The following CFAP206 variants were observed in gnomAD, a reference collection of about 807,000 sequenced individuals.
CFAP206 encodes cilia- and flagella-associated protein 206.
A neutral mutation model predicts 65.4 loss-of-function variants in CFAP206; 53 were observed. The ratio of observed to expected loss-of-function variants is 0.81; its 90% CI spans 0.65 to 1.02. CFAP206 has a LOEUF of 1.02. Ranked by LOEUF, CFAP206 falls within the 50% of genes least tolerant of loss-of-function variation. The probability of loss-of-function intolerance (pLI) is 0.00; values close to 1 mark genes in which losing one functional copy is unlikely to be tolerated. For synonymous variants in CFAP206, 250 were observed against 254.4 expected (o/e 0.98, Z 0.17); for missense variants, 663 against 753.2 (o/e 0.88, Z 1.40).
At chr6:87,450,432 T>G (rs1172691826) in intron 11 of CFAP206, among the ~76,000 whole-genome samples, 1 of 151,460 alleles carries the variant, frequency 6.6e-6, no homozygotes, top group East Asian at 1.9e-4. Context: ...AATGTACCAT[T>G]TCTTTATAAA....
Position 87,431,921 on chromosome 6 carries a change from C to T in CFAP206, c.1300+748C>T, listed in dbSNP as rs141725855. On this transcript the variant is annotated intron_variant, in intron 10 of 12. Coordinates refer to ENST00000369562, the MANE Select transcript of CFAP206 (RefSeq NM_001031743.3). ...GCATAGATAGGATTTCTCTGTTAGA[C>T]GCCTATAAGGAAATGGCTAATATCA... Among the ~76,000 whole-genome samples the T allele has an allele frequency of 3.7e-3, 566 of 152,212 alleles. 4 individuals carry two copies. The highest frequency in any genetic ancestry group is 0.013 in the African/African-American group (525 of 41,538).
At chr6:87,412,542 G>T (rs1306102213) in intron 3 of CFAP206, among the ~76,000 whole-genome samples, 10 of 152,168 alleles carry the variant, frequency 6.6e-5, no homozygotes, top group Admixed American at 3.9e-4. Context: ...CCATCTATGT[G>T]GGGGCTCATA....
At chr6:87,417,369 C>A (rs2127948365) in intron 6 of CFAP206, among the ~76,000 whole-genome samples, 1 of 152,028 alleles carries the variant, frequency 6.6e-6, no homozygotes, top group Non-Finnish European at 1.5e-5. Context: ...ATTTGGTACT[C>A]CTGTAGGCCC....
chr6:87,415,925 G>T, intron 5 of CFAP206, 51 bp downstream of exon 5: 3 of 1,224,150 alleles, frequency 2.5e-6, no homozygotes, highest in South Asian at 2.5e-5. Flanking sequence ...TATGGTCATT[G>T]TATTTTATAA....
At chr6:87,419,133 G>GTT (rs549737166) in intron 7 of CFAP206, among the ~76,000 whole-genome samples, 7 of 142,882 alleles carry the variant, frequency 4.9e-5, no homozygotes, top group Non-Finnish European at 9.2e-5. Context: ...TTTTTTTTTT[G>GTT]TTTTTTTTTT....
At position 87,413,830 on chromosome 6, in the gene CFAP206, G is replaced by A. The variant is rs1767778267; in HGVS notation, c.213G>A (p.Leu71=). The A allele has an allele frequency of 6.4e-7, 1 of 1,566,988 alleles. No homozygotes were observed. The highest frequency in any genetic ancestry group is 1.2e-5 in the South Asian group (1 of 81,362). Residue 71 remains leucine (L), a synonymous_variant, in exon 4 of 13, where the codon TTG becomes TTA. Coordinates refer to ENST00000369562, the MANE Select transcript of CFAP206 (RefSeq NM_001031743.3). ...TCTAGCTTTGTATGACTCGGCTATTGGATACTAAAAATCCATCCCTGGACA... is the reference window on the plus strand; with the variant it reads ...TCTAGCTTTGTATGACTCGGCTATTAGATACTAAAAATCCATCCCTGGACA... ...NLVKLCMTRL[L]DTKNPSLDTI...
chr6:87,422,909 G>C (rs1349318539), intron 7 of CFAP206, among the ~76,000 whole-genome samples: 1 of 152,062 alleles, frequency 6.6e-6, no homozygotes, highest in Non-Finnish European at 1.5e-5. Context: ...CTACAGCTTG[G>C]GGGAGGGGTC....
chr6:87,458,666 T>A lies in CFAP206; in HGVS notation c.1495-2356T>A, dbSNP rs116246664. Among the ~76,000 whole-genome samples, 457 of 151,884 alleles carry A rather than the reference T, an allele frequency of 3.0e-3. 2 individuals carry two copies. Among genetic ancestry groups the A allele is most frequent in the African/African-American group, 0.011 (442 of 41,424 alleles). On this transcript the variant is annotated intron_variant, in intron 11 of 12. Transcript: ENST00000369562. ...ATGGTTACCAGAGGGCTGGTAAAGG[T>A]AGTTGTGGGGAGTGAGAAATGGGGA...
At chr6:87,426,146 T>G (rs1298470330) in intron 7 of CFAP206, 3 of 153,646 alleles carry the variant, frequency 2.0e-5, no homozygotes, top group Non-Finnish European at 4.3e-5. Context: ...TTATTAAATC[T>G]TGTTATCAAC....
At position 87,410,686 on chromosome 6, in the gene CFAP206, C is replaced by T; in HGVS notation, c.192+18C>T. The T allele has an allele frequency of 6.3e-7, 1 of 1,587,702 alleles. No individual in the cohort carries two copies. The highest frequency in any genetic ancestry group is 8.6e-7 in the Non-Finnish European group (1 of 1,157,642). ...TTGTTAAGGTGATTACCCAACAGTC[C>T]TCAAATTTGCAATTACTTATTCTCA... On this transcript the variant is annotated intron_variant, in intron 3 of 12. Coordinates refer to ENST00000369562, the MANE Select transcript of CFAP206 (RefSeq NM_001031743.3).
intron 7 of CFAP206, among the ~76,000 whole-genome samples, chr6:87,419,972 G>T (rs1767910703): frequency 6.6e-6 from 1 of 152,194 alleles, no homozygotes; most frequent in Non-Finnish European, 1.5e-5. Flanking sequence ...AGCTACTTGG[G>T]AGGCTAAGGT....
At chr6:87,411,318 C>A (rs9450676) in intron 3 of CFAP206, among the ~76,000 whole-genome samples, 8 of 151,928 alleles carry the variant, frequency 5.3e-5, no homozygotes, top group Admixed American at 5.2e-4. Flanking sequence ...TGCTTTTTGG[C>A]GATTTGTATG....
chr6:87,446,867 C>A (rs1469685946), intron 11 of CFAP206, among the ~76,000 whole-genome samples: 1 of 151,992 alleles, frequency 6.6e-6, no homozygotes, highest in African/African-American at 2.4e-5. Flanking sequence ...CTCTGATTTC[C>A]TTGAGCAGTG....
intron 11 of CFAP206, 89 bp downstream of exon 11, chr6:87,435,142 T>G: frequency 2.1e-6 from 2 of 950,536 alleles, no homozygotes; most frequent in Non-Finnish European, 3.2e-6. Context: ...GCTTCCCAGG[T>G]CCACACAGAG....
chr6:87,439,292 A>G lies in CFAP206; in HGVS notation c.1494+4239A>G, dbSNP rs1183413927. On this transcript the variant is annotated intron_variant, in intron 11 of 12. Coordinates refer to ENST00000369562, the MANE Select transcript of CFAP206 (RefSeq NM_001031743.3). Reference sequence around the variant, plus strand: ...AACTTGATGGATTTAGTTATATTTTATTCTCTACCTATTTCTAAAATAGTA... The same window carrying G: ...AACTTGATGGATTTAGTTATATTTTGTTCTCTACCTATTTCTAAAATAGTA... 4.6e-5 allele frequency among the ~76,000 whole-genome samples: 7 copies of G among 152,184 alleles called. No individual in the cohort carries two copies. In the South Asian group the frequency reaches 1.4e-3, roughly 32 times the overall value.
At chr6:87,422,977 C>T (rs905997613) in intron 7 of CFAP206, among the ~76,000 whole-genome samples, 6 of 151,758 alleles carry the variant, frequency 4.0e-5, no homozygotes, top group Non-Finnish European at 8.8e-5. Flanking sequence ...GGCTGGAGTG[C>T]GGTGGTGCAA....
intron 11 of CFAP206, among the ~76,000 whole-genome samples, chr6:87,443,109 A>G (rs1439694738): frequency 6.6e-6 from 1 of 152,154 alleles, no homozygotes; most frequent in Non-Finnish European, 1.5e-5. Context: ...CATTATAACT[A>G]TGCTAAATTA....
chr6:87,410,101 A>G (rs940741167), intron 2 of CFAP206, among the ~76,000 whole-genome samples, 154 bp downstream of exon 2: 1 of 152,218 alleles, frequency 6.6e-6, no homozygotes, highest in Non-Finnish European at 1.5e-5. Flanking sequence ...ACATTTTTAA[A>G]AAGTTTATAG....
intron 11 of CFAP206, among the ~76,000 whole-genome samples, chr6:87,446,501 G>A (rs187957159): frequency 1.4e-3 from 213 of 152,102 alleles, no homozygotes; most frequent in African/African-American, 5.0e-3. Context: ...AGATCATATG[G>A]TTGTAGGTGT....
Sources: allele counts gnomAD v4.1 joint callset (sites outside exome capture counted in the v4.1 genomes callset), GRCh38; gene constraint gnomAD v4.1.1; transcripts MANE v1.5; gene names NCBI Gene and HGNC (gene_info 2026-07-23, HGNC 2026-07-21).